Variants in GPC6 observed in about 807,000 individuals in gnomAD.
The protein encoded by GPC6 is glypican-6.
GPC6 carries 14 observed loss-of-function variants against 55.2 expected under a neutral mutation model. The ratio of observed to expected loss-of-function variants is 0.25; its 90% CI spans 0.17 to 0.40. The LOEUF (loss-of-function observed/expected upper bound fraction) is 0.40. Ranked by LOEUF, GPC6 falls within the 10% of genes least tolerant of loss-of-function variation. GPC6 has a pLI of 1.00. For synonymous variants in GPC6, 278 were observed against 259.6 expected (o/e 1.07, Z -0.68); for missense variants, 641 against 708.5 (o/e 0.90, Z 1.08).
chr13:94,095,029 G>A (rs538735783), intron 4 of GPC6, among the ~76,000 whole-genome samples: 24 of 152,048 alleles, frequency 1.6e-4, no homozygotes, highest in African/African-American at 5.8e-4. Flanking sequence ...TTATCTACAG[G>A]AAAAGGATCA....
chr13:94,242,995 C>T (rs1237873440), intron 4 of GPC6, among the ~76,000 whole-genome samples: 1 of 151,058 alleles, frequency 6.6e-6, no homozygotes, highest in Admixed American at 6.6e-5. Flanking sequence ...CACATTTCAA[C>T]TACATGAGTT....
chr13:94,257,065 T>A (rs1891528727), intron 4 of GPC6, among the ~76,000 whole-genome samples: 1 of 152,216 alleles, frequency 6.6e-6, no homozygotes, highest in Non-Finnish European at 1.5e-5. Context: ...AGTGTTTCTT[T>A]TGACATATAG....
At chr13:93,714,278 A>G (rs532144664) in intron 2 of GPC6, among the ~76,000 whole-genome samples, 1 of 152,096 alleles carries the variant, frequency 6.6e-6, no homozygotes, top group East Asian at 1.9e-4. Context: ...AGCAAAACAC[A>G]TGAACAGACA....
intron 1 of GPC6, among the ~76,000 whole-genome samples, chr13:93,324,326 T>A (rs1002578609): frequency 3.3e-5 from 5 of 151,730 alleles, no homozygotes; most frequent in Admixed American, 3.3e-4. Flanking sequence ...GGATGGTAAG[T>A]GGGTACAAAA....
chr13:94,229,661 G>A (rs987387619), intron 4 of GPC6, among the ~76,000 whole-genome samples: 1 of 152,300 alleles, frequency 6.6e-6, no homozygotes, highest in Non-Finnish European at 1.5e-5. Flanking sequence ...AATAACACAA[G>A]GTTAGAAGGA....
rs999931742 is a variant in GPC6 at position 94,011,410 on chromosome 13, T to C, written c.712-16319T>C. 2.6e-5 allele frequency among the ~76,000 whole-genome samples: 4 copies of C among 152,286 alleles called. No individual in the cohort carries two copies. The East Asian group carries it at 5.8e-4, about 22-fold the overall frequency. On this transcript the variant is annotated intron_variant, in intron 3 of 8. Transcript: ENST00000377047. The stretch of plus-strand genomic sequence containing the variant: ...CTTGACACAAGAAAATTAGGAACAT[T>C]ATTTTTGTATCAACCTTCTACCCCA...
intron 1 of GPC6, among the ~76,000 whole-genome samples, chr13:93,444,272 C>T (rs1217742579): frequency 3.4e-5 from 4 of 116,992 alleles, no homozygotes; most frequent in African/African-American, 9.7e-5. Flanking sequence ...ATTAAATTTT[C>T]AAGGTTCATT....
chr13:93,914,909 A>G (rs1012642280), intron 3 of GPC6, among the ~76,000 whole-genome samples: 2 of 152,236 alleles, frequency 1.3e-5, no homozygotes, highest in Non-Finnish European at 2.9e-5. Context: ...GAAATTTTCA[A>G]GACGCTTTTT....
At chr13:93,971,424 A>G (rs1415740) in intron 3 of GPC6, among the ~76,000 whole-genome samples, 1 of 152,064 alleles carries the variant, frequency 6.6e-6, no homozygotes, top group South Asian at 2.1e-4. Context: ...AAATAAATTG[A>G]AAATAAAATT....
chr13:93,854,669 C>CAGAGTAT (rs1206702468), intron 3 of GPC6, among the ~76,000 whole-genome samples: 1 of 151,728 alleles, frequency 6.6e-6, no homozygotes, highest in Non-Finnish European at 1.5e-5. Context: ...TTATTGACTA[C>CAGAGTAT]AGAGTATTCT....
intron 2 of GPC6, among the ~76,000 whole-genome samples, chr13:93,808,428 G>C (rs1417712990): frequency 6.6e-6 from 1 of 152,152 alleles, no homozygotes; most frequent in East Asian, 1.9e-4. Context: ...TGATCTTTAA[G>C]TACATAATAA....
chr13:93,663,147 G>A (rs1304784215), intron 2 of GPC6, among the ~76,000 whole-genome samples: 1 of 150,530 alleles, frequency 6.6e-6, no homozygotes, highest in African/African-American at 2.4e-5. Flanking sequence ...GAGACTGACA[G>A]TACAGAACAG....
chr13:93,576,524 T>C (rs1305206204), intron 2 of GPC6, among the ~76,000 whole-genome samples: 1 of 152,158 alleles, frequency 6.6e-6, no homozygotes, highest in Non-Finnish European at 1.5e-5. Context: ...GGTTTTTTAA[T>C]ATTTTTATGC....
Position 94,340,107 on chromosome 13 carries a change from A to G in GPC6, c.1152+33984A>G, listed in dbSNP as rs563025838. Among the ~76,000 whole-genome samples, 3 of 152,242 alleles carry G rather than the reference A, an allele frequency of 2.0e-5. No individual in the cohort carries two copies. In the South Asian group the frequency reaches 6.2e-4, roughly 32 times the overall value. ...AGATATAAATCATGAGAAAATTCTC[A>G]TTTCTCCATAAGGTGGTATCCACTC... On this transcript the variant is annotated intron_variant, in intron 6 of 8. Coordinates refer to ENST00000377047, the MANE Select transcript of GPC6 (RefSeq NM_005708.5).
chr13:94,275,587 C>T (rs1490318687), intron 4 of GPC6, among the ~76,000 whole-genome samples: 1 of 151,884 alleles, frequency 6.6e-6, no homozygotes, highest in African/African-American at 2.4e-5. Flanking sequence ...GTAAATTTAA[C>T]TATAAAAATT....
At chr13:93,937,231 A>G (rs1878482643) in intron 3 of GPC6, among the ~76,000 whole-genome samples, 1 of 152,330 alleles carries the variant, frequency 6.6e-6, no homozygotes, top group South Asian at 2.1e-4. Flanking sequence ...CACTTCATAT[A>G]TACTTATTTT....
intron 2 of GPC6, among the ~76,000 whole-genome samples, chr13:93,776,130 AT>A (rs199662639): frequency 0.34 from 9,739 of 28,442 alleles, 732 homozygotes; most frequent in African/African-American, 0.49. Flanking sequence ...ACACCCAAGT[AT>A]CCTGTTCACT....
At chr13:93,832,089 CAAAAAAAAAAAAAA>C (rs71207433) in intron 3 of GPC6, among the ~76,000 whole-genome samples, 1 of 8,536 alleles carries the variant, frequency 1.2e-4, no homozygotes. Context: ...GACTCCAACT[CAAAAAAAAAAAAAA>C]AAAAAAAAAA....
chr13:93,893,345 C>T (rs923010408), intron 3 of GPC6, among the ~76,000 whole-genome samples: 2 of 152,060 alleles, frequency 1.3e-5, no homozygotes, highest in Admixed American at 6.5e-5. Flanking sequence ...CATGATCCAC[C>T]GCTCCCGGCC....
Sources: gnomAD v4.1 joint callset for allele counts (sites outside exome capture counted in the v4.1 genomes callset) on GRCh38, gnomAD v4.1.1 for gene constraint, MANE v1.5 for transcripts, NCBI Gene and HGNC (gene_info 2026-07-23, HGNC 2026-07-21) for gene names.